Variants in TBC1D22A observed in about 807,000 individuals in gnomAD.
TBC1D22A encodes TBC1 domain family member 22A.
TBC1D22A carries 38 observed loss-of-function variants against 60.2 expected under a neutral mutation model. That is an observed-to-expected ratio of 0.63 (90% CI 0.49 to 0.83). TBC1D22A has a LOEUF of 0.83. TBC1D22A is among the 40% of genes least tolerant of loss of function. The pLI, the probability that TBC1D22A is intolerant of heterozygous loss-of-function variation, is 0.00. For synonymous variants in TBC1D22A, 302 were observed against 281.7 expected, an observed-to-expected ratio of 1.07 and a Z score of -0.72; for missense variants, 628 against 701.0, an observed-to-expected ratio of 0.90 and a Z score of 1.18.
chr22:46,772,074 CAT>C (rs1388659758), intron 1 of TBC1D22A, among the ~76,000 whole-genome samples: 11 of 146,074 alleles, frequency 7.5e-5, no homozygotes, highest in African/African-American at 2.6e-4. Flanking sequence ...TGTATACACA[CAT>C]ATACATATAT....
intron 4 of TBC1D22A, among the ~76,000 whole-genome samples, chr22:46,874,099 C>T (rs377052188): frequency 7.2e-5 from 11 of 152,156 alleles, no homozygotes; most frequent in East Asian, 1.9e-4. Flanking sequence ...CGTGAGCCAC[C>T]GCGCCTGGCC....
At chr22:47,006,964 G>T (rs1335354333) in intron 10 of TBC1D22A, among the ~76,000 whole-genome samples, 3 of 152,196 alleles carry the variant, frequency 2.0e-5, no homozygotes, top group Non-Finnish European at 2.9e-5. Flanking sequence ...GCTTCAGAGA[G>T]CTTGGAGCTG....
rs1331356096 is a variant in TBC1D22A at position 47,107,738 on chromosome 22, C to T, written c.1330-3770C>T. 2.0e-5 allele frequency among the ~76,000 whole-genome samples: 3 copies of T among 152,276 alleles called. No individual in the cohort carries two copies. In the East Asian group the frequency reaches 5.8e-4, roughly 29 times the overall value. Reference sequence around the variant, plus strand: ...AGAAATGCAGAAGATATGGAATAGCCAGAGCAGCCTTGAAAAAGAAGAAGA... The same window carrying T: ...AGAAATGCAGAAGATATGGAATAGCTAGAGCAGCCTTGAAAAAGAAGAAGA... On this transcript the variant is annotated intron_variant, in intron 11 of 12. Transcript: ENST00000337137.
chr22:47,098,700 G>A (rs1183201975), intron 11 of TBC1D22A, among the ~76,000 whole-genome samples: 1 of 152,240 alleles, frequency 6.6e-6, no homozygotes, highest in Non-Finnish European at 1.5e-5. Flanking sequence ...GGACAGGTCA[G>A]ATGACTCGCA....
intron 4 of TBC1D22A, among the ~76,000 whole-genome samples, chr22:46,819,039 A>T (rs373763162): frequency 6.6e-6 from 1 of 151,908 alleles, no homozygotes. Context: ...CTGCTTGCCT[A>T]TTGTTGGTGT....
At chr22:47,059,234 G>T (rs977594653) in intron 11 of TBC1D22A, among the ~76,000 whole-genome samples, 1 of 152,388 alleles carries the variant, frequency 6.6e-6, no homozygotes, top group East Asian at 1.9e-4. Flanking sequence ...TGGATTTTCT[G>T]CCAGGGTCCT....
intron 1 of TBC1D22A, chr22:46,763,621 A>G (rs962180524): frequency 1.6e-4 from 24 of 152,126 alleles, no homozygotes; most frequent in African/African-American, 5.3e-4. Context: ...ATTTCAGAAC[A>G]TAGTTCTGTT....
intron 7 of TBC1D22A, among the ~76,000 whole-genome samples, chr22:46,896,439 G>T (rs1371768537): frequency 6.6e-6 from 1 of 152,122 alleles, no homozygotes; most frequent in Non-Finnish European, 1.5e-5. Flanking sequence ...ACACATGAAG[G>T]TGTTCACCCA....
intron 4 of TBC1D22A, among the ~76,000 whole-genome samples, chr22:46,837,388 C>T (rs2086570166): frequency 6.6e-6 from 1 of 152,008 alleles, no homozygotes; most frequent in South Asian, 2.1e-4. Context: ...CAATATGGAC[C>T]AAATGGACCT....
intron 12 of TBC1D22A, among the ~76,000 whole-genome samples, chr22:47,159,905 A>G (rs2067902517): frequency 1.3e-5 from 1 of 79,002 alleles, no homozygotes. Context: ...CCTCCACACC[A>G]CACACATGTG....
At chr22:46,974,427 C>A in intron 9 of TBC1D22A, 28 bp downstream of exon 9, 1 of 1,567,308 alleles carries the variant, frequency 6.4e-7, no homozygotes, top group Non-Finnish European at 8.7e-7. Flanking sequence ...CGGGACACAG[C>A]CCACGCCCAC....
intron 12 of TBC1D22A, among the ~76,000 whole-genome samples, chr22:47,169,693 T>C (rs2068356419): frequency 6.6e-6 from 1 of 152,192 alleles, no homozygotes; most frequent in Non-Finnish European, 1.5e-5. Flanking sequence ...TTTGTTGAGA[T>C]GGTGGTGCCC....
chr22:46,949,424 A>G (rs539227519), intron 8 of TBC1D22A, among the ~76,000 whole-genome samples: 4 of 152,050 alleles, frequency 2.6e-5, no homozygotes, highest in Non-Finnish European at 5.9e-5. Context: ...CCCGTCCCCC[A>G]TGTCTGCTCT....
At chr22:47,052,121 A>G (rs575943658) in intron 11 of TBC1D22A, among the ~76,000 whole-genome samples, 76 of 152,280 alleles carry the variant, frequency 5.0e-4, no homozygotes, top group African/African-American at 1.6e-3. Context: ...CACTCTGAAC[A>G]TGGGTTCATT....
intron 4 of TBC1D22A, among the ~76,000 whole-genome samples, chr22:46,848,073 A>G (rs2087103311): frequency 1.5e-5 from 2 of 129,448 alleles, no homozygotes; most frequent in African/African-American, 5.0e-5. Context: ...TTGGGAAACT[A>G]TTAAATAGTT....
rs746506768 is a variant in TBC1D22A, at chr22:46,797,503, G to A, written c.520G>A (p.Val174Ile). Residue 174 changes from valine to isoleucine, a missense_variant, in exon 4 of 13, where the codon GTC (valine) becomes ATC (isoleucine). Transcript: ENST00000337137. ...RSQSLPHSAT[V>I]TLGGTSDPST... is the part of the protein sequence containing the mutation. The stretch of plus-strand genomic sequence containing the variant: ...CCAGTCTCTCCCACACTCGGCCACC[G>A]TCACGCTGGGTGGCACATCTGACCC... 1.8e-5 allele frequency: 29 copies of A among 1,613,810 alleles called. No homozygotes were observed. The highest frequency in any genetic ancestry group is 2.7e-5 in the African/African-American group (2 of 74,900).
intron 4 of TBC1D22A, among the ~76,000 whole-genome samples, chr22:46,864,002 G>A (rs962091946): frequency 3.9e-5 from 6 of 152,140 alleles, no homozygotes; most frequent in Admixed American, 1.3e-4. Context: ...TATTCACTCA[G>A]GTAGCTGTTT....
At chr22:47,062,882 C>T (rs528447603) in intron 11 of TBC1D22A, among the ~76,000 whole-genome samples, 1 of 151,768 alleles carries the variant, frequency 6.6e-6, no homozygotes, top group Non-Finnish European at 1.5e-5. Flanking sequence ...AAGACTGGCT[C>T]ATAGGACCGC....
chr22:47,105,946 C>T (rs527717335), intron 11 of TBC1D22A, among the ~76,000 whole-genome samples: 2 of 152,222 alleles, frequency 1.3e-5, no homozygotes, highest in South Asian at 2.1e-4. Context: ...TAAAAATAAG[C>T]TTATACATTT....
Sources: allele counts gnomAD v4.1 joint callset (sites outside exome capture counted in the v4.1 genomes callset), GRCh38; gene constraint gnomAD v4.1.1; transcripts MANE v1.5; gene names NCBI Gene and HGNC (gene_info 2026-07-23, HGNC 2026-07-21).